The following PRPF8 variants were observed in gnomAD, a reference collection of about 807,000 sequenced individuals.
PRPF8 encodes the protein pre-mRNA processing factor 8.
In PRPF8, 64 loss-of-function variants were observed where a neutral mutation model predicts 285.9. The ratio of observed to expected loss-of-function variants is 0.22; its 90% CI spans 0.18 to 0.28. The LOEUF is 0.28. PRPF8 is among the 10% of genes least tolerant of loss of function. PRPF8 has a pLI of 1.00. For synonymous variants in PRPF8, 1,325 were observed against 1,118.2 expected (o/e 1.18, Z -3.69); for missense variants, 1,426 against 3,026.7 (o/e 0.47, Z 12.41).
chr17:1,673,826 A>G lies in PRPF8; in HGVS notation c.3366T>C (p.Asn1122=), dbSNP rs762388544. Residue 1122 remains asparagine (N), a synonymous_variant, in exon 22 of 43, where the codon AAT becomes AAC. Coordinates refer to ENST00000304992, the MANE Select transcript of PRPF8 (RefSeq NM_006445.4). This position sits in a 1 kb window ranked among gnomAD's most constrained non-coding sequence, Gnocchi z 5.5. The part of the protein sequence containing the change: ...RYLTEHPDPN[N]ENIVGYNNKK... ...TGTTATTATAGCCAACGATGTTTTC[A>G]TTATTGGGGTCAGGGTGCTCTGTCA... The G allele has an allele frequency of 5.6e-6, 9 of 1,614,028 alleles. No individual in the cohort carries two copies. In the East Asian group the frequency reaches 6.7e-5, roughly 12 times the overall value.
chr17:1,658,155 C>T lies in PRPF8; in HGVS notation c.5505+98G>A, dbSNP rs1911496131. The T allele has an allele frequency of 2.6e-6, 4 of 1,566,090 alleles. No homozygotes were observed. The highest frequency in any genetic ancestry group is 1.4e-5 in the African/African-American group (1 of 73,990). On this transcript the variant is annotated intron_variant, in intron 34 of 42. Coordinates refer to ENST00000304992, the MANE Select transcript of PRPF8 (RefSeq NM_006445.4). This position sits in a 1 kb window ranked among gnomAD's most constrained non-coding sequence, Gnocchi z 4.1. Reference sequence around the variant, plus strand: ...GGGATAAGTTCAAATGAGATGTTCTCAGCCTTTCATCTAATAAACCAGTAA... The same window carrying T: ...GGGATAAGTTCAAATGAGATGTTCTTAGCCTTTCATCTAATAAACCAGTAA...
Position 1,677,832 on chromosome 17 carries a change from A to G in PRPF8, c.1855-138T>C, listed in dbSNP as rs1912687399. 7 of 1,141,908 alleles carry G rather than the reference A, an allele frequency of 6.1e-6. No homozygotes were observed. In the South Asian group the frequency reaches 9.7e-5, roughly 16 times the overall value. 70.7% of individuals were successfully genotyped at this position (1,141,908 alleles called of 1,614,324 possible). A position where few individuals can be genotyped will look rare whatever the true frequency, so the allele number is the denominator to read the frequency against. On this transcript the variant is annotated intron_variant, in intron 13 of 42. Transcript: ENST00000304992. ...GTATGGCAGTAGAGGGGTAAAAAGA[A>G]AAAAAAACTCTGGGACCTCAACATC...
chr17:1,665,667 C>T (rs1911932686), intron 24 of PRPF8, among the ~76,000 whole-genome samples: 1 of 151,406 alleles, frequency 6.6e-6, no homozygotes, highest in South Asian at 2.1e-4. Context: ...GATGGTGAAA[C>T]CCTGTCTCTA....
At position 1,676,379 on chromosome 17, in the gene PRPF8, T is replaced by C. The variant is rs527866689; in HGVS notation, c.2389-9A>G. On this transcript the variant is annotated splice_polypyrimidine_tract_variant and intron_variant, in intron 16 of 42. Coordinates refer to ENST00000304992, the MANE Select transcript of PRPF8 (RefSeq NM_006445.4). The surrounding 1 kb of genome is among the most constrained non-coding windows in gnomAD (Gnocchi z 6.3). ...GTGATGTAAGGCCCGTCCTGTAAGG[T>C]GGACATGAAATTAGCCTCCCGCTAC... is the stretch of plus-strand genomic sequence containing the variant. The C allele has an allele frequency of 7.4e-6, 12 of 1,614,028 alleles. No individual in the cohort carries two copies. The South Asian group carries it at 1.1e-4, about 15-fold the overall frequency.
Position 1,681,628 on chromosome 17 carries a change from T to A in PRPF8, c.716A>T (p.Tyr239Phe), listed in dbSNP as rs370806096. The A allele has an allele frequency of 1.2e-6, 2 of 1,614,056 alleles. No individual in the cohort carries two copies. Among genetic ancestry groups the A allele is most frequent in the Non-Finnish European group, 1.7e-6 (2 of 1,180,002 alleles). Residue 239 changes from tyrosine to phenylalanine, a missense_variant, in exon 6 of 43, where the codon TAC (tyrosine) becomes TTC (phenylalanine). This residue lies in a region of PRPF8 where 157 missense variants were observed against 159.6 expected (regional missense o/e 0.98). Coordinates refer to ENST00000304992, the MANE Select transcript of PRPF8 (RefSeq NM_006445.4). ...QFTLPMMSTL[Y>F]RLANQLLTDL... ...TGTCAGGAGCTGATTAGCCAGGCGG[T>A]AGAGAGTCGACATCATAGGTAGTGT...
At position 1,673,404 on chromosome 17, in the gene PRPF8, A is replaced by G; in HGVS notation, c.3610T>C (p.Tyr1204His). ...CCGTCCTTGTGGGTGAACTCCTCAT[A>G]GCTGGTGCGGCACTTAGGCAGGATG... is the stretch of plus-strand genomic sequence containing the variant. Reference protein sequence around the residue: ...CRILPKCRTSYEEFTHKDGVW... With the variant: ...CRILPKCRTSHEEFTHKDGVW... The change falls in exon 23 of 43, where the codon TAT becomes CAT. Residue 1204 changes from tyrosine (Y) to histidine (H), a missense_variant. This residue lies in a region of PRPF8 where 10 missense variants were observed against 37.8 expected (regional missense o/e 0.26). Coordinates refer to ENST00000304992, the MANE Select transcript of PRPF8 (RefSeq NM_006445.4). The surrounding 1 kb of genome is among the most constrained non-coding windows in gnomAD (Gnocchi z 5.5). 1.2e-6 allele frequency: 2 copies of G among 1,614,092 alleles called. No individual in the cohort carries two copies. Among genetic ancestry groups the G allele is most frequent in the Non-Finnish European group, 1.7e-6 (2 of 1,180,028 alleles).
chr17:1,667,640 C>T (rs781566636), intron 24 of PRPF8, among the ~76,000 whole-genome samples: 19 of 149,130 alleles, frequency 1.3e-4, no homozygotes, highest in Non-Finnish European at 2.2e-4. Flanking sequence ...ACCTCCGGGG[C>T]TCAAGTGGTT....
In PRPF8 at chr17:1,673,766, G is replaced by A; in HGVS notation, c.3426C>T (p.Leu1142=). Residue 1142 remains leucine (L), a synonymous_variant, in exon 22 of 43, where the codon CTC becomes CTT. Coordinates refer to ENST00000304992, the MANE Select transcript of PRPF8 (RefSeq NM_006445.4). This position sits in a 1 kb window ranked among gnomAD's most constrained non-coding sequence, Gnocchi z 5.5. ...CTCACAAGTTAACATCATGTTTCATGAGGCGCATGCGGGCATCTCGGGGCC... is the reference window on the plus strand; with the variant it reads ...CTCACAAGTTAACATCATGTTTCATAAGGCGCATGCGGGCATCTCGGGGCC... ...KCWPRDARMR[L]MKHDVNLGRA... is the part of the protein sequence containing the mutation. The A allele has an allele frequency of 6.2e-7, 1 of 1,614,074 alleles. No individual in the cohort carries two copies. The highest frequency in any genetic ancestry group is 8.5e-7 in the Non-Finnish European group (1 of 1,180,026).
intron 24 of PRPF8, among the ~76,000 whole-genome samples, chr17:1,664,548 C>A (rs1288460334): frequency 6.6e-6 from 1 of 152,060 alleles, no homozygotes; most frequent in Admixed American, 6.6e-5. Flanking sequence ...AGCTCATGCC[C>A]GTAATCCCAA....
chr17:1,683,152 C>T lies in PRPF8; in HGVS notation c.269+381G>A, dbSNP rs1246438598. 30 of 323,410 alleles carry T rather than the reference C, an allele frequency of 9.3e-5. 1 individual carries two copies. Among genetic ancestry groups the T allele is most frequent in the South Asian group, 4.4e-4 (17 of 38,368 alleles). The allele number at this position is 323,410 out of a possible 1,614,324, so 20.0% of individuals were successfully genotyped here. ...CTGGGACTACAGACACCTGCCACCA[C>T]GCCCAGCTAATTTTGTGTATTTTTA... On this transcript the variant is annotated intron_variant, in intron 3 of 42. Coordinates refer to ENST00000304992, the MANE Select transcript of PRPF8 (RefSeq NM_006445.4).
At chr17:1,677,916 T>C (rs1912691644) in intron 13 of PRPF8, among the ~76,000 whole-genome samples, 1 of 152,180 alleles carries the variant, frequency 6.6e-6, no homozygotes, top group South Asian at 2.1e-4. Context: ...AGATCGCCCA[T>C]GTGAATTTAA....
At chr17:1,669,624 C>T (rs1436763999) in intron 24 of PRPF8, among the ~76,000 whole-genome samples, 2 of 152,208 alleles carry the variant, frequency 1.3e-5, no homozygotes, top group East Asian at 1.9e-4. Context: ...GCTTCCATCC[C>T]TACTATTTCT....
Position 1,677,796 on chromosome 17 carries a change from G to A in PRPF8, c.1855-102C>T, listed in dbSNP as rs116018652. 2.0e-3 allele frequency: 2,897 copies of A among 1,443,074 alleles called. 52 individuals are homozygous for A. In the African/African-American group the frequency reaches 0.036, roughly 18 times the overall value. The allele number at this position is 1,443,074 out of a possible 1,614,324, so 89.4% of individuals were successfully genotyped here. ...GGCATATATGTATAATATACATACA[G>A]AGGAATGTAGGTATGGCAGTAGAGG... is the stretch of plus-strand genomic sequence containing the variant. On this transcript the variant is annotated intron_variant, in intron 13 of 42. Coordinates refer to ENST00000304992, the MANE Select transcript of PRPF8 (RefSeq NM_006445.4).
At position 1,658,771 on chromosome 17, in the gene PRPF8, G is replaced by A. The variant is rs778027102; in HGVS notation, c.5139-8C>T. 9.9e-6 allele frequency: 16 copies of A among 1,612,826 alleles called. No individual in the cohort carries two copies. In the South Asian group the frequency reaches 1.6e-4, roughly 17 times the overall value. On this transcript the variant is annotated splice_region_variant and splice_polypyrimidine_tract_variant and intron_variant, in intron 32 of 42. Coordinates refer to ENST00000304992, the MANE Select transcript of PRPF8 (RefSeq NM_006445.4). This position sits in a 1 kb window ranked among gnomAD's most constrained non-coding sequence, Gnocchi z 4.1. ...AACCAGTTTCCATAGGCACTGTGAG[G>A]ATAAAAGGGTCAAGAAAAGTTAAGA...
intron 30 of PRPF8, 118 bp downstream of exon 30, chr17:1,660,313 CT>C (rs1184621250): frequency 1.3e-6 from 2 of 1,544,546 alleles, no homozygotes; most frequent in African/African-American, 2.7e-5. Context: ...CCTGAGCTGA[CT>C]CTGTACAGTA....
intron 13 of PRPF8, 49 bp downstream of exon 13, chr17:1,678,469 G>A (rs768135675): frequency 1.2e-6 from 2 of 1,610,174 alleles, no homozygotes; most frequent in Non-Finnish European, 8.5e-7. Flanking sequence ...AGAGACAAGA[G>A]TAAGACTCTG....
Position 1,661,495 on chromosome 17 carries a change from A to G in PRPF8, c.4203-89T>C. On this transcript the variant is annotated intron_variant, in intron 26 of 42. Transcript: ENST00000304992. The surrounding 1 kb of genome is among the most constrained non-coding windows in gnomAD (Gnocchi z 7.3). ...CTGGCCAAAAATAATTAGGGTCAGT[A>G]GAACCAGCCTTCTCACCTCCATACA... The G allele has an allele frequency of 6.2e-7, 1 of 1,609,984 alleles. No individual in the cohort carries two copies. The highest frequency in any genetic ancestry group is 2.2e-5 in the East Asian group (1 of 44,868).
intron 3 of PRPF8, chr17:1,682,939 T>TGG (rs1913015861): frequency 5.4e-6 from 1 of 186,464 alleles, no homozygotes; most frequent in African/African-American, 2.4e-5. Flanking sequence ...GCTGCCACTA[T>TGG]GCACAGTATC....
chr17:1,683,791 T>G, intron 2 of PRPF8, 90 bp from the exon 3 acceptor site: 1 of 1,512,574 alleles, frequency 6.6e-7, no homozygotes. Flanking sequence ...TCAGTGAGTG[T>G]GAGGGAGAAG....
Sources: gnomAD v4.1 joint callset for allele counts (sites outside exome capture counted in the v4.1 genomes callset) on GRCh38, gnomAD v4.1.1 for gene constraint, gnomAD v4.1.1 regional missense constraint, Gnocchi (gnomAD v3.1) non-coding constraint, MANE v1.5 for transcripts, NCBI Gene and HGNC (gene_info 2026-07-23, HGNC 2026-07-21) for gene names.